GIPC2: variants seen among roughly 807,000 people sequenced by gnomAD.
The protein encoded by GIPC2 is GIPC PDZ domain containing family member 2, also known as PDZ domain-containing protein GIPC2.
A neutral mutation model predicts 30.6 loss-of-function variants in GIPC2; 30 were observed. That is an observed-to-expected ratio of 0.98 (90% CI 0.73 to 1.33). The LOEUF is 1.33. Ranked by LOEUF, GIPC2 falls within the 40% of genes most tolerant of loss-of-function variation. The probability of loss-of-function intolerance (pLI) is 0.00; values close to 1 mark genes in which losing one functional copy is unlikely to be tolerated. For missense variants in GIPC2, 414 were observed against 390.3 expected, an observed-to-expected ratio of 1.06 and a Z score of -0.51; for synonymous variants, 167 against 150.0, an observed-to-expected ratio of 1.11 and a Z score of -0.83.
chr1:78,118,604 G>A (rs988118634), intron 3 of GIPC2, among the ~76,000 whole-genome samples: 1 of 152,214 alleles, frequency 6.6e-6, no homozygotes, highest in Non-Finnish European at 1.5e-5. Context: ...CTTGCTCCCT[G>A]CTCTTGTCCT....
At chr1:78,094,428 C>T (rs936339262) in intron 2 of GIPC2, among the ~76,000 whole-genome samples, 11 of 152,222 alleles carry the variant, frequency 7.2e-5, no homozygotes, top group Admixed American at 1.3e-4. Flanking sequence ...ACTTGATCTT[C>T]TGAAGCTTTA....
intron 3 of GIPC2, among the ~76,000 whole-genome samples, chr1:78,114,144 C>T (rs995748886): frequency 1.6e-4 from 25 of 152,194 alleles, no homozygotes; most frequent in Admixed American, 1.0e-3. Flanking sequence ...GACAGGCGGA[C>T]GGCCAGTACA....
intron 1 of GIPC2, among the ~76,000 whole-genome samples, chr1:78,059,206 A>G (rs1291579615): frequency 6.6e-6 from 1 of 152,242 alleles, no homozygotes; most frequent in Non-Finnish European, 1.5e-5. Flanking sequence ...TGATATACTT[A>G]GGTGGCTGGC....
chr1:78,126,899 T>C (rs1198878274), intron 5 of GIPC2, among the ~76,000 whole-genome samples: 1 of 152,128 alleles, frequency 6.6e-6, no homozygotes, highest in Non-Finnish European at 1.5e-5. Context: ...AAGAGGATGG[T>C]AGGTCTGGGT....
rs375305048 is a variant in GIPC2, at chr1:78,096,203, GA to G, written c.607+1072del. Among the ~76,000 whole-genome samples, 349 of 152,268 alleles carry G rather than the reference GA, an allele frequency of 2.3e-3. 1 individual carries two copies. Among genetic ancestry groups the G allele is most frequent in the African/African-American group, 8.0e-3 (334 of 41,546 alleles). ...TAGGAACTACCTCTGTAGATGCTGT[GA>G]TTCTGCCTGGTGCCTTGCAGCATCT... is the stretch of plus-strand genomic sequence containing the variant. On this transcript the variant is annotated intron_variant, in intron 3 of 5. Transcript: ENST00000370759.
chr1:78,046,084 G>A lies in GIPC2; in HGVS notation c.-11G>A. 1 of 1,420,934 alleles carries A rather than the reference G, an allele frequency of 7.0e-7. No individual in the cohort carries two copies. Among genetic ancestry groups the A allele is most frequent in the Non-Finnish European group, 9.2e-7 (1 of 1,091,496 alleles). 88.0% of individuals were successfully genotyped at this position (1,420,934 alleles called of 1,614,324 possible). A position where few individuals can be genotyped will look rare whatever the true frequency, so the allele number is the denominator to read the frequency against. On this transcript the variant is annotated 5_prime_UTR_variant, in exon 1 of 6. Transcript: ENST00000370759. ...GCAGCGCAGGTGGGCCCGCGCTCTC[G>A]GCCCTGCAAGATGCCCCTGAAGCTG... is the stretch of plus-strand genomic sequence containing the variant.
intron 5 of GIPC2, among the ~76,000 whole-genome samples, chr1:78,130,066 T>C (rs914121556): frequency 6.6e-6 from 1 of 151,908 alleles, no homozygotes; most frequent in Non-Finnish European, 1.5e-5. Context: ...GGTGTTTTAA[T>C]AGTGAGAATT....
upstream of GIPC2, chr1:78,045,555 G>A: frequency 1.0e-6 from 1 of 985,396 alleles, no homozygotes; most frequent in Non-Finnish European, 1.2e-6. Context: ...ATACAACGTA[G>A]CACCAAGCTC....
intron 5 of GIPC2, among the ~76,000 whole-genome samples, chr1:78,129,309 T>C (rs1662845152): frequency 6.6e-6 from 1 of 152,202 alleles, no homozygotes; most frequent in Non-Finnish European, 1.5e-5. Context: ...CTGATTAGCA[T>C]GAAATATAAA....
chr1:78,118,866 C>T (rs1443317455), intron 3 of GIPC2, among the ~76,000 whole-genome samples: 1 of 152,188 alleles, frequency 6.6e-6, no homozygotes, highest in African/African-American at 2.4e-5. Context: ...TCACCGGTCT[C>T]ATAGGTTGGT....
intron 1 of GIPC2, among the ~76,000 whole-genome samples, chr1:78,051,829 C>T (rs1661203374): frequency 6.6e-6 from 1 of 152,182 alleles, no homozygotes. Flanking sequence ...ATTTTATCCT[C>T]ACAAGCATGC....
chr1:78,045,321 T>C (rs1282134822), upstream of GIPC2, among the ~76,000 whole-genome samples: 1 of 152,128 alleles, frequency 6.6e-6, no homozygotes, highest in Non-Finnish European at 1.5e-5. Context: ...TTGAAAACAA[T>C]GCAATAAACG....
intron 3 of GIPC2, among the ~76,000 whole-genome samples, chr1:78,100,589 A>G (rs1571507997): frequency 6.6e-6 from 1 of 152,244 alleles, no homozygotes. Flanking sequence ...TTATAAATAC[A>G]ATTTTGGACT....
intron 2 of GIPC2, 155 bp from the exon 3 acceptor site, chr1:78,094,796 GT>G (rs139132542): frequency 1.1e-4 from 61 of 534,600 alleles, no homozygotes; most frequent in South Asian, 3.1e-4. Context: ...CTGTTACACA[GT>G]TTTTTTTTAA....
At chr1:78,059,037 C>T (rs1661346671) in intron 1 of GIPC2, among the ~76,000 whole-genome samples, 2 of 152,308 alleles carry the variant, frequency 1.3e-5, no homozygotes, top group South Asian at 4.2e-4. Flanking sequence ...GGCAAGTCTT[C>T]CCTCTTGTTG....
intron 2 of GIPC2, among the ~76,000 whole-genome samples, chr1:78,090,439 C>T (rs2100366277): frequency 6.6e-6 from 1 of 152,210 alleles, no homozygotes; most frequent in East Asian, 1.9e-4. Context: ...AGGTGATCTG[C>T]CCGCCTCACC....
At chr1:78,100,406 C>G (rs916047267) in intron 3 of GIPC2, among the ~76,000 whole-genome samples, 4 of 152,064 alleles carry the variant, frequency 2.6e-5, no homozygotes, top group Non-Finnish European at 4.4e-5. Flanking sequence ...CTGCACACCA[C>G]TGAATAATAA....
chr1:78,129,678 A>T (rs614836), intron 5 of GIPC2, among the ~76,000 whole-genome samples: 29,854 of 152,120 alleles, frequency 0.2, 3,478 homozygotes, highest in East Asian at 0.63. Context: ...TCACCTTGGG[A>T]TGTTATCCAT....
chr1:78,060,542 G>A (rs574326414), intron 1 of GIPC2, among the ~76,000 whole-genome samples: 1 of 152,182 alleles, frequency 6.6e-6, no homozygotes, highest in South Asian at 2.1e-4. Flanking sequence ...AGTTAATGAG[G>A]GCATCCATAA....
Sources: allele counts gnomAD v4.1 joint callset (sites outside exome capture counted in the v4.1 genomes callset), GRCh38; gene constraint gnomAD v4.1.1; transcripts MANE v1.5; gene names NCBI Gene and HGNC (gene_info 2026-07-23, HGNC 2026-07-21).